Variants in TNFAIP8L3 observed in about 807,000 individuals in gnomAD.
TNFAIP8L3 encodes the protein TNF alpha induced protein 8 like 3, also known as tumor necrosis factor alpha-induced protein 8-like protein 3.
A neutral mutation model predicts 11.8 loss-of-function variants in TNFAIP8L3; 7 were observed. The observed-to-expected ratio is 0.59, with a 90% CI of 0.34 to 1.11. The LOEUF (loss-of-function observed/expected upper bound fraction) is 1.11, where lower values mean the gene tolerates loss of function less well. TNFAIP8L3 is among the 50% of genes most tolerant of loss of function. TNFAIP8L3 has a pLI of 0.03. For missense variants in TNFAIP8L3, 219 were observed against 258.6 expected, an observed-to-expected ratio of 0.85 and a Z score of 1.05; for synonymous variants, 98 against 103.8, an observed-to-expected ratio of 0.94 and a Z score of 0.34.
chr15:51,062,341 T>G (rs1025576646), intron 1 of TNFAIP8L3, among the ~76,000 whole-genome samples: 2 of 152,084 alleles, frequency 1.3e-5, no homozygotes, highest in African/African-American at 4.8e-5. Context: ...GCACCTGTGG[T>G]CTCAGCTACT....
chr15:51,094,848 G>T lies in TNFAIP8L3; in HGVS notation c.-253C>A. ...CGCAGGGCGGAGGGTGGGGCGCTCC[G>T]GGAGACAGCCGGGAGGAGGGAGGGG... On this transcript the variant is annotated 5_prime_UTR_variant, in exon 1 of 2. Transcript: ENST00000637513. The surrounding 1 kb of genome is among the most constrained non-coding windows in gnomAD (Gnocchi z 4.4). 2 of 365,066 alleles carry T rather than the reference G, an allele frequency of 5.5e-6. No individual in the cohort carries two copies. Among genetic ancestry groups the T allele is most frequent in the Non-Finnish European group, 7.6e-6 (2 of 264,266 alleles). The allele number at this position is 365,066 out of a possible 1,614,324, so 22.6% of individuals were successfully genotyped here.
At chr15:51,096,822 C>T (rs144678440), upstream of TNFAIP8L3, among the ~76,000 whole-genome samples, 498 of 141,992 alleles carry the variant, frequency 3.5e-3, 4 homozygotes, top group African/African-American at 0.013. Context: ...ACCCAGGAGG[C>T]GGAAGTTGCA....
In TNFAIP8L3 at chr15:51,100,524, T is replaced by C. The variant is rs1276958042; in HGVS notation, c.172+4481A>G. Among the ~76,000 whole-genome samples the C allele has an allele frequency of 3.3e-5, 5 of 152,240 alleles. No individual in the cohort carries two copies. The East Asian group carries it at 9.6e-4, about 29-fold the overall frequency. ...ATCATATGGGAAAGACATGTGGGTC[T>C]TAGTTGTCCATAAGAGCAACATGAG... is the stretch of plus-strand genomic sequence containing the variant. On this transcript the variant is annotated intron_variant, in intron 1 of 2. Transcript: ENST00000327536.
intron 1 of TNFAIP8L3, among the ~76,000 whole-genome samples, chr15:51,086,763 CTTAA>C (rs1207182374): frequency 2.0e-5 from 3 of 152,132 alleles, no homozygotes; most frequent in Non-Finnish European, 2.9e-5. Flanking sequence ...ATTGTAAGTG[CTTAA>C]TTAATATAGG....
At position 51,094,359 on chromosome 15, in the gene TNFAIP8L3, T is replaced by A. The variant is rs946309667; in HGVS notation, c.52+185A>T. On this transcript the variant is annotated intron_variant, in intron 1 of 1. Coordinates refer to ENST00000637513, the MANE Select transcript of TNFAIP8L3 (RefSeq NM_001311175.2). This position sits in a 1 kb window ranked among gnomAD's most constrained non-coding sequence, Gnocchi z 4.4. ...CACCCCTAAATGCACCTTCCCTCCCTCCCGCGCGCCCAAGTGCAATGGGGT... is the reference window on the plus strand; with the variant it reads ...CACCCCTAAATGCACCTTCCCTCCCACCCGCGCGCCCAAGTGCAATGGGGT... Among the ~76,000 whole-genome samples the A allele has an allele frequency of 8.7e-5, 13 of 149,832 alleles. No individual in the cohort carries two copies. The highest frequency in any genetic ancestry group is 2.7e-4 in the African/African-American group (11 of 40,670).
chr15:51,100,696 G>A (rs550451068), intron 1 of TNFAIP8L3, among the ~76,000 whole-genome samples: 1 of 152,148 alleles, frequency 6.6e-6, no homozygotes, highest in East Asian at 1.9e-4. Context: ...CAAGGTGGGG[G>A]AATCAAGATG....
At chr15:51,058,562 T>C in intron 1 of TNFAIP8L3, 119 bp from the exon 2 acceptor site, 1 of 944,972 alleles carries the variant, frequency 1.1e-6, no homozygotes, top group Non-Finnish European at 1.5e-6. Flanking sequence ...CATGTCTTTA[T>C]ATTCCCTCGC....
chr15:51,101,742 C>T lies in TNFAIP8L3; in HGVS notation c.172+3263G>A, dbSNP rs146763915. Among the ~76,000 whole-genome samples, 459 of 151,556 alleles carry T rather than the reference C, an allele frequency of 3.0e-3. 3 individuals carry two copies. The highest frequency in any genetic ancestry group is 0.011 in the African/African-American group (452 of 41,372). ...TGGGCGGATCATGAGGTCAGGAGAT[C>T]GAGACCATCCTGGCTAACACAGTGA... On this transcript the variant is annotated intron_variant, in intron 1 of 2. Coordinates refer to the TNFAIP8L3 transcript ENST00000327536.
chr15:51,077,873 A>C, intron 1 of TNFAIP8L3, among the ~76,000 whole-genome samples: 1 of 152,172 alleles, frequency 6.6e-6, no homozygotes, highest in East Asian at 1.9e-4. Context: ...TGTTAGCAGG[A>C]CCACTTATTT....
At chr15:51,069,123 C>T (rs928648321) in intron 1 of TNFAIP8L3, among the ~76,000 whole-genome samples, 1 of 152,188 alleles carries the variant, frequency 6.6e-6, no homozygotes, top group African/African-American at 2.4e-5. Flanking sequence ...ATTCACCAGT[C>T]TTCACCCCCT....
intron 1 of TNFAIP8L3, among the ~76,000 whole-genome samples, chr15:51,089,023 C>T (rs1190876216): frequency 6.6e-6 from 1 of 152,224 alleles, no homozygotes; most frequent in Non-Finnish European, 1.5e-5. Flanking sequence ...CTCCAGAGTT[C>T]CCATGGGCTC....
intron 1 of TNFAIP8L3, among the ~76,000 whole-genome samples, chr15:51,059,198 A>C (rs2065226627): frequency 6.6e-6 from 1 of 152,234 alleles, no homozygotes; most frequent in African/African-American, 2.4e-5. Flanking sequence ...CAAAGATGCT[A>C]GAGATGAGTA....
chr15:51,096,242 G>A (rs1212365195), upstream of TNFAIP8L3, among the ~76,000 whole-genome samples: 1 of 152,136 alleles, frequency 6.6e-6, no homozygotes, highest in Non-Finnish European at 1.5e-5. Flanking sequence ...CTTTAGTGAA[G>A]TGTGGGCTTA....
In TNFAIP8L3 at chr15:51,058,142, G is replaced by A. The variant is rs370519434; in HGVS notation, c.354C>T (p.Thr118=). 1.9e-6 allele frequency: 3 copies of A among 1,614,226 alleles called. No individual in the cohort carries two copies. Among genetic ancestry groups the A allele is most frequent in the African/African-American group, 2.7e-5 (2 of 75,054 alleles). The part of the protein sequence containing the change: ...FRKKLNQTAM[T]IVSFYEVEYT... ...ATTCCACCTCATAGAAGCTGACAAT[G>A]GTCATGGCGGTCTGGTTCAGCTTCT... The change falls in exon 2 of 2, where the codon ACC becomes ACT. Residue 118 remains threonine, a synonymous_variant. Transcript: ENST00000637513.
At chr15:51,073,735 G>T (rs1011360700) in intron 1 of TNFAIP8L3, among the ~76,000 whole-genome samples, 6 of 152,114 alleles carry the variant, frequency 3.9e-5, no homozygotes, top group Non-Finnish European at 8.8e-5. Context: ...ATGGCATCCT[G>T]GTCTTGTTCC....
At chr15:51,084,183 GGTGT>G (rs59399155) in intron 1 of TNFAIP8L3, among the ~76,000 whole-genome samples, 4 of 150,418 alleles carry the variant, frequency 2.7e-5, no homozygotes, top group African/African-American at 4.9e-5. Flanking sequence ...GATGTATAGG[GGTGT>G]GTGTGTGTGT....
At chr15:51,096,383 C>G (rs906772580), upstream of TNFAIP8L3, among the ~76,000 whole-genome samples, 6 of 152,192 alleles carry the variant, frequency 3.9e-5, no homozygotes, top group Non-Finnish European at 7.3e-5. Context: ...GATGTGTTAT[C>G]TTGGGCAAAT....
intron 1 of TNFAIP8L3, among the ~76,000 whole-genome samples, chr15:51,071,415 G>T (rs1184262145): frequency 6.6e-6 from 1 of 151,944 alleles, no homozygotes; most frequent in Non-Finnish European, 1.5e-5. Context: ...TACAGAAGTT[G>T]TATTTTTTTT....
chr15:51,104,902 A>G (rs2065578887), intron 1 of TNFAIP8L3: 2 of 1,405,978 alleles, frequency 1.4e-6, no homozygotes, highest in Non-Finnish European at 2.0e-6. Flanking sequence ...GGCCCTCTTC[A>G]GATGCCAGCT....
Sources: allele counts gnomAD v4.1 joint callset (sites outside exome capture counted in the v4.1 genomes callset), GRCh38; gene constraint gnomAD v4.1.1; non-coding constraint Gnocchi (gnomAD v3.1); transcripts MANE v1.5; gene names NCBI Gene and HGNC (gene_info 2026-07-23, HGNC 2026-07-21).